ELOVL3: variants seen among roughly 807,000 people sequenced by gnomAD.
ELOVL3 encodes the protein ELOVL fatty acid elongase 3.
A neutral mutation model predicts 14.9 loss-of-function variants in ELOVL3; 11 were observed. That is an observed-to-expected ratio of 0.74 (90% CI 0.46 to 1.22). ELOVL3 has a LOEUF of 1.22. Among genes scored for constraint, ELOVL3 ranks in the 50% most tolerant of loss-of-function variants. The pLI, the probability that ELOVL3 is intolerant of heterozygous loss-of-function variation, is 0.00. For synonymous variants in ELOVL3, 117 were observed against 124.7 expected (o/e 0.94, Z 0.41); for missense variants, 277 against 338.9 (o/e 0.82, Z 1.43).
chr10:102,227,121 C>A (rs1324465990), intron 1 of ELOVL3, among the ~76,000 whole-genome samples: 2 of 152,128 alleles, frequency 1.3e-5, no homozygotes, highest in East Asian at 3.9e-4. Context: ...AGGAAGAGCT[C>A]TCTGGCTTTG....
upstream of ELOVL3, among the ~76,000 whole-genome samples, chr10:102,225,053 A>G (rs1170189359): frequency 2.0e-5 from 3 of 152,178 alleles, no homozygotes; most frequent in Admixed American, 1.3e-4. Flanking sequence ...GTCTGAGACA[A>G]CCTATAGGAC....
chr10:102,228,439 T>A lies in ELOVL3; in HGVS notation c.256T>A (p.Trp86Arg). The change falls in exon 3 of 4, where the codon TGG becomes AGG. Residue 86 changes from tryptophan (W) to arginine (R), a missense_variant. Transcript: ENST00000370005. ...CAGTATCCTGGGGGCAGTGAGGATG[T>A]GGGGCATTATGGGGACTGTGCTACT... ...IFSILGAVRMWGIMGTVLLTG... is the reference protein window; with the variant it reads ...IFSILGAVRMRGIMGTVLLTG... 6.2e-7 allele frequency: 1 copy of A among 1,614,062 alleles called. No individual in the cohort carries two copies. Among genetic ancestry groups the A allele is most frequent in the Non-Finnish European group, 8.5e-7 (1 of 1,179,968 alleles).
chr10:102,226,171 C>T (rs2070133422), upstream of ELOVL3, among the ~76,000 whole-genome samples: 1 of 152,134 alleles, frequency 6.6e-6, no homozygotes, highest in African/African-American at 2.4e-5. Context: ...TGGCCTACGA[C>T]GGGACTTGGG....
chr10:102,227,612 C>T lies in ELOVL3; in HGVS notation c.102-14C>T. On this transcript the variant is annotated splice_polypyrimidine_tract_variant and intron_variant, in intron 1 of 3. Coordinates refer to ENST00000370005, the MANE Select transcript of ELOVL3 (RefSeq NM_152310.3). ...CCCACCCATGAGCCCATCCCTCTGCCTTCTGCTTGCCAGGGCAACCTCATT... is the reference window on the plus strand; with the variant it reads ...CCCACCCATGAGCCCATCCCTCTGCTTTCTGCTTGCCAGGGCAACCTCATT... 1 of 1,609,912 alleles carries T rather than the reference C, an allele frequency of 6.2e-7. No homozygotes were observed. The highest frequency in any genetic ancestry group is 8.5e-7 in the Non-Finnish European group (1 of 1,177,576).
At chr10:102,225,912 G>C (rs998222254), upstream of ELOVL3, among the ~76,000 whole-genome samples, 4 of 152,060 alleles carry the variant, frequency 2.6e-5, no homozygotes, top group Non-Finnish European at 4.4e-5. Context: ...GCGTTGCCCA[G>C]GTTAGTATTT....
In ELOVL3 at chr10:102,229,021, C is replaced by T; in HGVS notation, c.582C>T (p.Pro194=). ...CTCTGAAGGCTGCCAACGTGAAGCC[C>T]CCCAAGATGCTGCCCATGCTCATCA... ...YYTLKAANVK[P]PKMLPMLITS... is the part of the protein sequence containing the mutation. Residue 194 remains proline (P), a synonymous_variant, in exon 4 of 4, where the codon CCC becomes CCT. Transcript: ENST00000370005. 3 of 1,614,168 alleles carry T rather than the reference C, an allele frequency of 1.9e-6. No homozygotes were observed. The highest frequency in any genetic ancestry group is 2.5e-6 in the Non-Finnish European group (3 of 1,180,044).
At chr10:102,228,623 G>T (rs2070160709) in intron 3 of ELOVL3, 55 bp downstream of exon 3, 1 of 1,596,980 alleles carries the variant, frequency 6.3e-7, no homozygotes, top group Non-Finnish European at 8.6e-7. Flanking sequence ...CCTTCCTCAG[G>T]GCCCTCCCTT....
At chr10:102,227,201 G>A (rs750671341) in intron 1 of ELOVL3, among the ~76,000 whole-genome samples, 1 of 152,064 alleles carries the variant, frequency 6.6e-6, no homozygotes, top group Non-Finnish European at 1.5e-5. Context: ...CCCAGCCAGG[G>A]AGAAGCTATT....
At chr10:102,228,735 C>T (rs2070163000) in intron 3 of ELOVL3, 90 bp from the exon 4 acceptor site, 1 of 1,456,630 alleles carries the variant, frequency 6.9e-7, no homozygotes, top group African/African-American at 1.4e-5. Flanking sequence ...CCCTTCCCTC[C>T]CCTGAGAATT....
intron 2 of ELOVL3, 58 bp from the exon 3 acceptor site, chr10:102,228,359 G>T: frequency 6.3e-7 from 1 of 1,577,330 alleles, no homozygotes. Context: ...CCGGGGGAAG[G>T]GTGGATTATT....
In ELOVL3 at chr10:102,228,822, C is replaced by T. The variant is rs966492218; in HGVS notation, c.386-3C>T. ...ATGCCAACTATGACTCTCCATCTCC[C>T]AGGAGACACAGCCTTCATCATCCTG... On this transcript the variant is annotated splice_region_variant and splice_polypyrimidine_tract_variant and intron_variant, in intron 3 of 3. Coordinates refer to ENST00000370005, the MANE Select transcript of ELOVL3 (RefSeq NM_152310.3). The T allele has an allele frequency of 4.4e-6, 7 of 1,604,154 alleles. No individual in the cohort carries two copies. The highest frequency in any genetic ancestry group is 1.3e-5 in the African/African-American group (1 of 74,956).
At position 102,229,153 on chromosome 10, in the gene ELOVL3, GTCCTTCA is replaced by G; in HGVS notation, c.717_723del (p.Phe240CysfsTer3). On this transcript the variant is annotated frameshift_variant, in exon 4 of 4. Transcript: ENST00000370005. LOFTEE classifies it low-confidence loss of function (END_TRUNC). ...ACACCACGATGGAACACTTATTCTG[GTCCTTCA>G]TCTTGTATATGACCTATTTCATCCT... 6.2e-7 allele frequency: 1 copy of G among 1,614,028 alleles called. No homozygotes were observed.
At chr10:102,225,969 CTG>C (rs2070132100), upstream of ELOVL3, among the ~76,000 whole-genome samples, 1 of 152,112 alleles carries the variant, frequency 6.6e-6, no homozygotes, top group African/African-American at 2.4e-5. Flanking sequence ...AGCCTGGAAA[CTG>C]ACGCCTCCAT....
Position 102,226,345 on chromosome 10 carries a change from G to A in ELOVL3, c.-204G>A. The A allele has an allele frequency of 1.8e-6, 1 of 551,084 alleles. No individual in the cohort carries two copies. Among genetic ancestry groups the A allele is most frequent in the Admixed American group, 3.4e-5 (1 of 29,826 alleles). The allele number at this position is 551,084 out of a possible 1,614,324, so 34.1% of individuals were successfully genotyped here. A position where few individuals can be genotyped will look rare whatever the true frequency, so the allele number is the denominator to read the frequency against. On this transcript the variant is annotated 5_prime_UTR_variant, in exon 1 of 4. Transcript: ENST00000370005. The stretch of plus-strand genomic sequence containing the variant: ...CCCGGGCAGGCAGCTTTGCAAGTCC[G>A]CGTTATATATCGCAGTGGCTGCGCC...
At position 102,226,543 on chromosome 10, in the gene ELOVL3, A is replaced by C. The variant is rs1240006887; in HGVS notation, c.-6A>C. 1.9e-6 allele frequency: 3 copies of C among 1,612,034 alleles called. No individual in the cohort carries two copies. Among genetic ancestry groups the C allele is most frequent in the Non-Finnish European group, 2.5e-6 (3 of 1,178,428 alleles). ...AAGCTTTGGACCTTGACTTCTGCAAAACTAGATGGTCACAGCCATGAATGT... is the reference window on the plus strand; with the variant it reads ...AAGCTTTGGACCTTGACTTCTGCAACACTAGATGGTCACAGCCATGAATGT... On this transcript the variant is annotated 5_prime_UTR_variant, in exon 1 of 4. Coordinates refer to ENST00000370005, the MANE Select transcript of ELOVL3 (RefSeq NM_152310.3).
upstream of ELOVL3, among the ~76,000 whole-genome samples, chr10:102,225,542 T>A (rs1327521812): frequency 1.3e-5 from 2 of 152,190 alleles, no homozygotes; most frequent in Non-Finnish European, 2.9e-5. Flanking sequence ...GAACATTTAT[T>A]TCTTTGGGGC....
At position 102,228,812 on chromosome 10, in the gene ELOVL3, C is replaced by T; in HGVS notation, c.386-13C>T. 6.3e-7 allele frequency: 1 copy of T among 1,598,090 alleles called. No homozygotes were observed. Among genetic ancestry groups the T allele is most frequent in the Non-Finnish European group, 8.5e-7 (1 of 1,170,752 alleles). On this transcript the variant is annotated splice_polypyrimidine_tract_variant and intron_variant, in intron 3 of 3. Transcript: ENST00000370005. ...ACTGGGTGGTATGCCAACTATGACT[C>T]TCCATCTCCCAGGAGACACAGCCTT...
rs755266270 is a variant in ELOVL3 at position 102,228,919 on chromosome 10, C to G, written c.480C>G (p.Tyr160Ter). Residue 160 changes from tyrosine (Y) to a stop codon, truncating the protein, a stop_gained, in exon 4 of 4, where the codon TAC becomes TAG. Coordinates refer to ENST00000370005, the MANE Select transcript of ELOVL3 (RefSeq NM_152310.3). LOFTEE classifies it low-confidence loss of function (END_TRUNC). ...TGCTCGTGTACACAAGCTTTGGATA[C>G]AAGAACAAAGTGCCTGCAGGAGGCT... is the stretch of plus-strand genomic sequence containing the variant. ...STVLVYTSFG[Y>*]KNKVPAGGWF... The G allele has an allele frequency of 6.2e-7, 1 of 1,614,190 alleles. No homozygotes were observed. Among genetic ancestry groups the G allele is most frequent in the African/African-American group, 1.3e-5 (1 of 75,034 alleles).
chr10:102,227,776 C>G lies in ELOVL3; in HGVS notation c.233+19C>G. ...TCTTCAGGTAAGACCCCATCCCACT[C>G]CCTGCCTCTTCTCTAGATCTTAGAC... is the stretch of plus-strand genomic sequence containing the variant. On this transcript the variant is annotated intron_variant, in intron 2 of 3. Transcript: ENST00000370005. The G allele has an allele frequency of 6.2e-7, 1 of 1,612,514 alleles. No homozygotes were observed. Among genetic ancestry groups the G allele is most frequent in the Non-Finnish European group, 8.5e-7 (1 of 1,179,138 alleles).
Sources: allele counts gnomAD v4.1 joint callset (sites outside exome capture counted in the v4.1 genomes callset), GRCh38; gene constraint gnomAD v4.1.1; transcripts MANE v1.5; gene names NCBI Gene and HGNC (gene_info 2026-07-23, HGNC 2026-07-21).